The following FSTL5 variants were observed in gnomAD, a reference collection of about 807,000 sequenced individuals.
FSTL5 encodes the protein follistatin-related protein 5.
Under a neutral mutation model 89.1 loss-of-function variants are expected in FSTL5, and 62 were observed. The ratio of observed to expected loss-of-function variants is 0.70; its 90% CI spans 0.57 to 0.86. The LOEUF is 0.86. FSTL5 is among the 40% of genes least tolerant of loss of function. The probability of loss-of-function intolerance (pLI) is 0.00; values close to 1 mark genes in which losing one functional copy is unlikely to be tolerated. For missense variants in FSTL5, 1,057 were observed against 1,001.6 expected (o/e 1.06, Z -0.75); for synonymous variants, 383 against 346.2 (o/e 1.11, Z -1.18).
intron 6 of FSTL5, among the ~76,000 whole-genome samples, chr4:161,721,506 A>G (rs1158377614): frequency 6.6e-6 from 1 of 152,136 alleles, no homozygotes. Context: ...TGTATATTAC[A>G]TACATACAGT....
chr4:161,529,765 C>T (rs72685725), intron 10 of FSTL5, among the ~76,000 whole-genome samples: 12,944 of 141,588 alleles, frequency 0.091, 2,288 homozygotes, highest in Middle Eastern at 0.22. Flanking sequence ...AAATCCTACC[C>T]GGCTGTGATG....
chr4:161,957,007 G>A (rs536171466), intron 3 of FSTL5, among the ~76,000 whole-genome samples: 3 of 151,936 alleles, frequency 2.0e-5, no homozygotes, highest in Non-Finnish European at 4.4e-5. Context: ...GCTATTTATT[G>A]CAGTATGGTT....
intron 9 of FSTL5, among the ~76,000 whole-genome samples, chr4:161,541,949 A>T (rs1291443985): frequency 6.6e-6 from 1 of 151,820 alleles, no homozygotes; most frequent in Non-Finnish European, 1.5e-5. Context: ...CATATTTGGG[A>T]TTATTATTAT....
intron 7 of FSTL5, among the ~76,000 whole-genome samples, chr4:161,600,072 C>A: frequency 6.6e-6 from 1 of 151,440 alleles, no homozygotes; most frequent in South Asian, 2.1e-4. Context: ...ACTAGGTCAT[C>A]TAGCTCTACA....
chr4:161,648,398 G>A (rs1736224783), intron 7 of FSTL5, among the ~76,000 whole-genome samples: 1 of 152,092 alleles, frequency 6.6e-6, no homozygotes, highest in Non-Finnish European at 1.5e-5. Flanking sequence ...ATGAAGAAGT[G>A]AGCCACAGCC....
At chr4:161,601,329 GAAAAAAAA>G (rs35261391) in intron 7 of FSTL5, among the ~76,000 whole-genome samples, 1 of 107,566 alleles carries the variant, frequency 9.3e-6, no homozygotes, top group Non-Finnish European at 1.8e-5. Flanking sequence ...TAAATAGTTG[GAAAAAAAA>G]AAAAAAAAAA....
At chr4:161,537,685 C>T (rs1343525400) in intron 10 of FSTL5, among the ~76,000 whole-genome samples, 2 of 152,158 alleles carry the variant, frequency 1.3e-5, no homozygotes, top group Admixed American at 6.6e-5. Flanking sequence ...GTGTCAGGGG[C>T]AGTGAGTGCC....
At chr4:161,750,783 C>T (rs920014274) in intron 6 of FSTL5, among the ~76,000 whole-genome samples, 4 of 152,010 alleles carry the variant, frequency 2.6e-5, no homozygotes, top group Non-Finnish European at 5.9e-5. Context: ...GCAAATCCTA[C>T]CTAAGATTAC....
intron 7 of FSTL5, among the ~76,000 whole-genome samples, chr4:161,614,908 T>C (rs1299480105): frequency 6.6e-6 from 1 of 152,148 alleles, no homozygotes; most frequent in Non-Finnish European, 1.5e-5. Flanking sequence ...TATTGCTACC[T>C]CTTATGGAAC....
chr4:162,063,166 A>G (rs1437084136), intron 2 of FSTL5, among the ~76,000 whole-genome samples: 2 of 151,546 alleles, frequency 1.3e-5, no homozygotes, highest in Non-Finnish European at 3.0e-5. Flanking sequence ...GTTTATTATC[A>G]TTTGTTGTTA....
intron 13 of FSTL5, among the ~76,000 whole-genome samples, chr4:161,462,289 T>C (rs1428303256): frequency 6.6e-6 from 1 of 152,176 alleles, no homozygotes; most frequent in African/African-American, 2.4e-5. Flanking sequence ...TTCCTGGGAA[T>C]GTGTGGATAT....
chr4:161,436,800 C>T (rs1732574633), intron 15 of FSTL5, among the ~76,000 whole-genome samples: 2 of 152,142 alleles, frequency 1.3e-5, no homozygotes, highest in Non-Finnish European at 2.9e-5. Flanking sequence ...ATTATCAGCT[C>T]TTGCTTGCAA....
At chr4:161,911,847 A>C (rs1733703142) in intron 4 of FSTL5, among the ~76,000 whole-genome samples, 1 of 152,204 alleles carries the variant, frequency 6.6e-6, no homozygotes, top group African/African-American at 2.4e-5. Context: ...GTCATTCTGG[A>C]AAGTGCAGAA....
chr4:161,894,558 T>C (rs1356279492), intron 4 of FSTL5, among the ~76,000 whole-genome samples: 1 of 152,190 alleles, frequency 6.6e-6, no homozygotes, highest in East Asian at 1.9e-4. Context: ...CTTGGCTCAC[T>C]GCAACTTCCA....
At chr4:162,082,531 C>CT (rs5863515) in intron 2 of FSTL5, among the ~76,000 whole-genome samples, 23 of 144,708 alleles carry the variant, frequency 1.6e-4, no homozygotes, top group South Asian at 6.5e-4. Flanking sequence ...TAAACAAATT[C>CT]TTTTTTTTTT....
chr4:161,394,784 G>A (rs761731775), intron 15 of FSTL5, among the ~76,000 whole-genome samples: 1 of 152,074 alleles, frequency 6.6e-6, no homozygotes, highest in Admixed American at 6.6e-5. Flanking sequence ...TTTTAAAAAA[G>A]TTTATATTTT....
At position 161,386,311 on chromosome 4, in the gene FSTL5, G is replaced by A; in HGVS notation, c.1980C>T (p.Tyr660=). 6.2e-7 allele frequency: 1 copy of A among 1,613,978 alleles called. No homozygotes were observed. Among genetic ancestry groups the A allele is most frequent in the Non-Finnish European group, 8.5e-7 (1 of 1,179,952 alleles). The change falls in exon 16 of 16, where the codon TAC becomes TAT. Residue 660 remains tyrosine (Y), a synonymous_variant. Coordinates refer to ENST00000306100, the MANE Select transcript of FSTL5 (RefSeq NM_020116.5). ...QSLAYTHLGG[Y]YFIGCKPDST... ...TGTCAGGTTTGCAGCCAATGAAGTAGTAGCCTCCCAAGTGTGTATATGCCA... is the reference window on the plus strand; with the variant it reads ...TGTCAGGTTTGCAGCCAATGAAGTAATAGCCTCCCAAGTGTGTATATGCCA...
At chr4:161,901,962 A>C (rs1479460986) in intron 4 of FSTL5, among the ~76,000 whole-genome samples, 1 of 152,104 alleles carries the variant, frequency 6.6e-6, no homozygotes, top group African/African-American at 2.4e-5. Context: ...ATACAAAAAG[A>C]ATGGGTTTAT....
chr4:161,531,660 A>G (rs894026535), intron 10 of FSTL5, among the ~76,000 whole-genome samples: 1 of 152,182 alleles, frequency 6.6e-6, no homozygotes, highest in African/African-American at 2.4e-5. Flanking sequence ...AAATTTATTT[A>G]AAGTATCTTA....
Sources: allele counts gnomAD v4.1 joint callset (sites outside exome capture counted in the v4.1 genomes callset), GRCh38; gene constraint gnomAD v4.1.1; transcripts MANE v1.5; gene names NCBI Gene and HGNC (gene_info 2026-07-23, HGNC 2026-07-21).